DMKN: variants seen among roughly 807,000 people sequenced by gnomAD.
The protein encoded by DMKN is dermokine.
In DMKN, 58 loss-of-function variants were observed where a neutral mutation model predicts 67.6. That is an observed-to-expected ratio of 0.86 (90% CI 0.69 to 1.07). DMKN has a LOEUF of 1.07. Among genes scored for constraint, DMKN ranks in the 50% least tolerant of loss-of-function variants. The probability of loss-of-function intolerance (pLI) is 0.00; values close to 1 mark genes in which losing one functional copy is unlikely to be tolerated. For synonymous variants in DMKN, 240 were observed against 232.3 expected, an observed-to-expected ratio of 1.03 and a Z score of -0.30; for missense variants, 596 against 601.5, an observed-to-expected ratio of 0.99 and a Z score of 0.10.
chr19:35,498,419 G>C (rs112725003), intron 15 of DMKN: 1 of 480,888 alleles, frequency 2.1e-6, no homozygotes, highest in East Asian at 3.8e-5. Flanking sequence ...ATATTGCCCA[G>C]TCTGGTCTCA....
chr19:35,500,061 A>G, intron 12 of DMKN, 32 bp from the exon 13 acceptor site: 1 of 1,612,972 alleles, frequency 6.2e-7, no homozygotes. Context: ...CGGTTAGAAC[A>G]GACGGACGAA....
Position 35,513,496 on chromosome 19 carries a change from C to T in DMKN, c.-21G>A. On this transcript the variant is annotated 5_prime_UTR_variant, in exon 1 of 16. Coordinates refer to ENST00000339686, the MANE Select transcript of DMKN (RefSeq NM_033317.5). ...TTCATCTCTGCCCAGCCCCCTCTCT[C>T]TCCAGAGTGTCTTCCTCCCACCAGG... 1 of 1,581,272 alleles carries T rather than the reference C, an allele frequency of 6.3e-7. No homozygotes were observed. Among genetic ancestry groups the T allele is most frequent in the Non-Finnish European group, 8.5e-7 (1 of 1,172,234 alleles).
chr19:35,507,460 T>C (rs4254439), intron 7 of DMKN: 1 of 1,551,004 alleles, frequency 6.4e-7, no homozygotes, highest in Non-Finnish European at 8.7e-7. Context: ...AGGCTCACCC[T>C]ATAATTGTCT....
At chr19:35,510,293 C>A (rs1402419226) in intron 5 of DMKN, 41 bp from the exon 6 acceptor site, 1 of 1,569,440 alleles carries the variant, frequency 6.4e-7, no homozygotes, top group Non-Finnish European at 8.6e-7. Context: ...TCCTAAAGGA[C>A]CTAAAGGGGA....
chr19:35,499,929 C>A (rs138525653), intron 13 of DMKN, 29 bp downstream of exon 13: 5 of 1,612,024 alleles, frequency 3.1e-6, no homozygotes, highest in Non-Finnish European at 4.2e-6. Context: ...GAGCCCCCAG[C>A]GGGAAGACAG....
intron 9 of DMKN, among the ~76,000 whole-genome samples, chr19:35,504,914 C>T (rs1033312943): frequency 2.0e-5 from 3 of 151,738 alleles, no homozygotes; most frequent in African/African-American, 2.4e-5. Context: ...CCTAACCCCA[C>T]CCCATGGAAA....
intron 12 of DMKN, 141 bp from the exon 13 acceptor site, chr19:35,500,170 T>C (rs1250367578): frequency 8.3e-7 from 1 of 1,210,878 alleles, no homozygotes; most frequent in East Asian, 2.4e-5. Context: ...GTGTTTTCTT[T>C]TATACAATCT....
chr19:35,502,611 G>C (rs1214009738), intron 10 of DMKN, among the ~76,000 whole-genome samples: 1 of 152,146 alleles, frequency 6.6e-6, no homozygotes. Context: ...GGCTGAGGCA[G>C]GAGAATGGCG....
At chr19:35,510,032 C>T in intron 6 of DMKN, 71 bp from the exon 7 acceptor site, 1 of 1,601,870 alleles carries the variant, frequency 6.2e-7, no homozygotes, top group Non-Finnish European at 8.5e-7. Flanking sequence ...AAAATGGCAG[C>T]ATTTTAACCC....
chr19:35,502,900 G>A lies in DMKN; in HGVS notation c.1135-14C>T. 1 of 1,613,446 alleles carries A rather than the reference G, an allele frequency of 6.2e-7. No homozygotes were observed. The highest frequency in any genetic ancestry group is 8.5e-7 in the Non-Finnish European group (1 of 1,179,680). On this transcript the variant is annotated splice_polypyrimidine_tract_variant and intron_variant, in intron 9 of 15. Transcript: ENST00000339686. ...CGGGACCTGGTTCTGTGGATGAAAG[G>A]CGGGGAGCAGGTTAGCAGAGAGCCT...
chr19:35,499,860 TCCGGCAA>T, intron 13 of DMKN, 91 bp downstream of exon 13: 1 of 1,355,906 alleles, frequency 7.4e-7, no homozygotes, highest in Non-Finnish European at 1.0e-6. Flanking sequence ...GGATCCGGCC[TCCGGCAA>T]CCAACCGAGA....
chr19:35,505,822 G>A, intron 8 of DMKN, 57 bp from the exon 9 acceptor site: 1 of 1,613,656 alleles, frequency 6.2e-7, no homozygotes, highest in Non-Finnish European at 8.5e-7. Flanking sequence ...AATTGGCCGA[G>A]AGAGGTCAAG....
Position 35,510,211 on chromosome 19 carries a change from G to T in DMKN, c.960C>A (p.Ser320Arg). The part of the protein sequence containing the change: ...TGSSSGNHGG[S>R]GGGNGHKPGC... Reference sequence around the variant, plus strand: ...CGGGTTTATGTCCATTTCCTCCGCCGCTCCCACCGTGGTTGCCGGAGGAGG... The same window carrying T: ...CGGGTTTATGTCCATTTCCTCCGCCTCTCCCACCGTGGTTGCCGGAGGAGG... Residue 320 changes from serine to arginine, a missense_variant, in exon 6 of 16, where the codon AGC becomes AGA. Transcript: ENST00000339686. 3 of 1,608,800 alleles carry T rather than the reference G, an allele frequency of 1.9e-6. No individual in the cohort carries two copies. Among genetic ancestry groups the T allele is most frequent in the Non-Finnish European group, 2.5e-6 (3 of 1,177,770 alleles).
In DMKN at chr19:35,511,793, A is replaced by T. The variant is rs1386296687; in HGVS notation, c.705T>A (p.Ser235=). ...AGTTGCTGGAGCCTCCACCTGAGCCAGATGGTGGGGGATTCGTGCACTGTC... is the reference window on the plus strand; with the variant it reads ...AGTTGCTGGAGCCTCCACCTGAGCCTGATGGTGGGGGATTCGTGCACTGTC... ...QNEGCTNPPP[S]GSGGGSSNSG... The change falls in exon 4 of 16, where the codon TCT becomes TCA. Residue 235 remains serine (S), a synonymous_variant. Coordinates refer to ENST00000339686, the MANE Select transcript of DMKN (RefSeq NM_033317.5). 6.2e-7 allele frequency: 1 copy of T among 1,613,456 alleles called. No homozygotes were observed. Among genetic ancestry groups the T allele is most frequent in the South Asian group, 1.1e-5 (1 of 90,906 alleles).
intron 7 of DMKN, among the ~76,000 whole-genome samples, chr19:35,508,912 A>C (rs1201970886): frequency 5.3e-5 from 8 of 152,158 alleles, no homozygotes. Context: ...CTTAAAACTG[A>C]GGTATATTAA....
intron 8 of DMKN, 79 bp downstream of exon 8, chr19:35,505,860 G>A: frequency 3.1e-6 from 5 of 1,613,154 alleles, no homozygotes; most frequent in Non-Finnish European, 3.4e-6. Flanking sequence ...GGTTTAGAAA[G>A]AGGACCCCAG....
At chr19:35,499,877 A>G (rs2068056827) in intron 13 of DMKN, 81 bp downstream of exon 13, 1 of 1,506,132 alleles carries the variant, frequency 6.6e-7, no homozygotes, top group Admixed American at 1.7e-5. Context: ...ACCAACCGAG[A>G]GGACCCCGGC....
rs1022141138 is a variant in DMKN, at chr19:35,505,713, C to G, written c.1134+5G>C. ...CCCTCTCCGACGAAGATGTCCAGCC[C>G]TTACCTTGTTTATGGCATCCCAGTT... On this transcript the variant is annotated splice_donor_5th_base_variant and intron_variant, in intron 9 of 15. Coordinates refer to ENST00000339686, the MANE Select transcript of DMKN (RefSeq NM_033317.5). 8 of 1,614,050 alleles carry G rather than the reference C, an allele frequency of 5.0e-6. No homozygotes were observed. In the African/African-American group the frequency reaches 9.3e-5, roughly 19 times the overall value.
Position 35,512,608 on chromosome 19 carries a change from G to C in DMKN, c.609C>G (p.Asn203Lys). The C allele has an allele frequency of 6.2e-7, 1 of 1,614,194 alleles. No homozygotes were observed. The highest frequency in any genetic ancestry group is 8.5e-7 in the Non-Finnish European group (1 of 1,180,028). ...ACTTTACCTGAGTGTTGGTCCCAAAGTTTGGTGGCCCTCCATTGCCTCCTT... is the reference window on the plus strand; with the variant it reads ...ACTTTACCTGAGTGTTGGTCCCAAACTTTGGTGGCCCTCCATTGCCTCCTT... ...WGQGGNGGPP[N>K]FGTNTQGAVA... is the part of the protein sequence containing the mutation. The change falls in exon 2 of 16, where the codon AAC becomes AAG. Residue 203 changes from asparagine to lysine, a missense_variant. Asn to Lys is a moderately conservative substitution (Grantham distance 94). Transcript: ENST00000339686.
Sources: gnomAD v4.1 joint callset for allele counts (sites outside exome capture counted in the v4.1 genomes callset) on GRCh38, gnomAD v4.1.1 for gene constraint, MANE v1.5 for transcripts, NCBI Gene and HGNC (gene_info 2026-07-23, HGNC 2026-07-21) for gene names.